MTSS2: variants seen among roughly 807,000 people sequenced by gnomAD.
MTSS2 encodes MTSS I-BAR domain containing 2.
In MTSS2, 27 loss-of-function variants were observed where a neutral mutation model predicts 67.1. That is an observed-to-expected ratio of 0.40 (90% CI 0.30 to 0.55). The LOEUF (loss-of-function observed/expected upper bound fraction) is 0.55. MTSS2 is among the 20% of genes least tolerant of loss of function. The pLI, the probability that MTSS2 is intolerant of heterozygous loss-of-function variation, is 0.43. For synonymous variants in MTSS2, 624 were observed against 468.6 expected (o/e 1.33, Z -4.28); for missense variants, 1,171 against 1,067.8 (o/e 1.10, Z -1.35).
chr16:70,665,072 C>A lies in MTSS2; in HGVS notation c.1153G>T (p.Glu385Ter). ...TGCAGAGTGGCGCCTGAGGGCTGCT[C>A]ATGGGAGCCGACCTTGGACCAGTCC... ...TSDWSKVGSH[E>*]QPSGATLQRR... Residue 385 changes from glutamate to a stop codon, truncating the protein, a stop_gained, in exon 13 of 15, where the codon GAG becomes TAG. Coordinates refer to ENST00000338779, the MANE Select transcript of MTSS2 (RefSeq NM_138383.3). LOFTEE classifies it high-confidence loss of function. The A allele has an allele frequency of 6.3e-7, 1 of 1,597,486 alleles. No individual in the cohort carries two copies. Among genetic ancestry groups the A allele is most frequent in the South Asian group, 1.1e-5 (1 of 90,690 alleles).
intron 1 of MTSS2, among the ~76,000 whole-genome samples, 200 bp downstream of exon 1, chr16:70,685,523 C>T (rs1375731709): frequency 1.3e-5 from 2 of 151,944 alleles, no homozygotes; most frequent in African/African-American, 4.8e-5. Flanking sequence ...CGCACGGACA[C>T]CCCGACACAC....
intron 11 of MTSS2, among the ~76,000 whole-genome samples, chr16:70,673,876 G>GAGAC (rs2053022027): frequency 2.0e-5 from 3 of 152,016 alleles, no homozygotes; most frequent in African/African-American, 7.2e-5. Context: ...TAAAAGAAAA[G>GAGAC]AGACAGAATA....
At chr16:70,667,400 A>C (rs77524147) in intron 11 of MTSS2, among the ~76,000 whole-genome samples, 6,737 of 152,166 alleles carry the variant, frequency 0.044, 483 homozygotes, top group African/African-American at 0.15. Context: ...CAAGATTATT[A>C]GAACAAAATC....
chr16:70,679,148 CG>C (rs892000522), intron 7 of MTSS2, among the ~76,000 whole-genome samples, 166 bp downstream of exon 7: 1 of 152,066 alleles, frequency 6.6e-6, no homozygotes, highest in Admixed American at 6.5e-5. Context: ...CCAGGGACCC[CG>C]GGGGCCCCAG....
At chr16:70,675,434 A>G (rs971892678) in intron 10 of MTSS2, among the ~76,000 whole-genome samples, 3 of 152,208 alleles carry the variant, frequency 2.0e-5, no homozygotes, top group African/African-American at 7.2e-5. Context: ...CAATGACAAC[A>G]AAACCCAAAA....
chr16:70,677,617 G>A (rs557268571), intron 9 of MTSS2, among the ~76,000 whole-genome samples, 175 bp downstream of exon 9: 4 of 152,270 alleles, frequency 2.6e-5, no homozygotes, highest in East Asian at 1.9e-4. Flanking sequence ...TACCCTCCCC[G>A]ACCTGGGCAG....
At position 70,664,057 on chromosome 16, in the gene MTSS2, T is replaced by C. The variant is rs374070157; in HGVS notation, c.1864A>G (p.Thr622Ala). The C allele has an allele frequency of 6.2e-7, 1 of 1,610,770 alleles. No individual in the cohort carries two copies. Among genetic ancestry groups the C allele is most frequent in the African/African-American group, 1.3e-5 (1 of 74,874 alleles). Residue 622 changes from threonine to alanine, a missense_variant, in exon 15 of 15, where the codon ACC becomes GCC. By Grantham distance (58) the Thr-to-Ala change is moderately conservative (BLOSUM62 0). Around this residue, in one of 2 missense-constraint regions of MTSS2, gnomAD observed 924 missense variants for 756.0 expected, o/e 1.22. Coordinates refer to ENST00000338779, the MANE Select transcript of MTSS2 (RefSeq NM_138383.3). ...SEECVFYTDE[T>A]ASPLAPDLAK... ...AGGTCCGGTGCCAGGGGTGAGGCGGTCTCGTCGGTATAGAAGACGCACTCC... is the reference window on the plus strand; with the variant it reads ...AGGTCCGGTGCCAGGGGTGAGGCGGCCTCGTCGGTATAGAAGACGCACTCC...
intron 2 of MTSS2, 46 bp downstream of exon 2, chr16:70,680,918 G>GCCCCCCCCC: frequency 9.1e-7 from 1 of 1,097,300 alleles, no homozygotes; most frequent in Non-Finnish European, 1.3e-6. Flanking sequence ...CGGGGGGGGG[G>GCCCCCCCCC]CCTCTGCCTG....
chr16:70,665,836 G>A, intron 11 of MTSS2: 1 of 292,516 alleles, frequency 3.4e-6, no homozygotes, highest in East Asian at 6.7e-5. Context: ...CCACCGAGGG[G>A]AAAAAGAGAT....
At chr16:70,667,166 G>A (rs1250354004) in intron 11 of MTSS2, among the ~76,000 whole-genome samples, 2 of 150,970 alleles carry the variant, frequency 1.3e-5, no homozygotes, top group African/African-American at 2.4e-5. Flanking sequence ...AGCTACACAG[G>A]AAGCTGAGGC....
chr16:70,678,709 C>T (rs965585819), intron 7 of MTSS2, among the ~76,000 whole-genome samples: 3 of 152,234 alleles, frequency 2.0e-5, no homozygotes, highest in Admixed American at 6.5e-5. Flanking sequence ...CACGGAGACT[C>T]GCTGGCCTCC....
At position 70,663,392 on chromosome 16, in the gene MTSS2, A is replaced by C; in HGVS notation, c.*285T>G. 9.0e-6 allele frequency: 4 copies of C among 446,808 alleles called. No homozygotes were observed. Among genetic ancestry groups the C allele is most frequent in the East Asian group, 4.2e-5 (1 of 23,736 alleles). The allele number at this position is 446,808 out of a possible 1,614,324, so 27.7% of individuals were successfully genotyped here. ...GGCCCTGGCTCTGGTGCTTATGGGT[A>C]GGGAAGAGGCAGGGCCCCAGAGGAG... On this transcript the variant is annotated 3_prime_UTR_variant, in exon 15 of 15. Coordinates refer to ENST00000338779, the MANE Select transcript of MTSS2 (RefSeq NM_138383.3).
At chr16:70,677,074 C>T in intron 9 of MTSS2, 96 bp from the exon 10 acceptor site, 6 of 930,786 alleles carry the variant, frequency 6.4e-6, no homozygotes, top group Non-Finnish European at 9.6e-6. Context: ...AACCACATCC[C>T]AGGAGAAGAC....
chr16:70,678,312 C>T lies in MTSS2; in HGVS notation c.564G>A (p.Arg188=). The T allele has an allele frequency of 6.2e-7, 1 of 1,612,660 alleles. No individual in the cohort carries two copies. Residue 188 remains arginine (R), a synonymous_variant, in exon 8 of 15, where the codon CGG becomes CGA. Coordinates refer to ENST00000338779, the MANE Select transcript of MTSS2 (RefSeq NM_138383.3). ...AGCGGCCCCGCTCCTCGATCAGCGC[C>T]CGGCGCACGGCCTGCTTCTCCGTCT... is the stretch of plus-strand genomic sequence containing the variant. ...LEETEKQAVR[R]ALIEERGRFC...
In MTSS2 at chr16:70,678,333, C is replaced by T. The variant is rs139062681; in HGVS notation, c.543G>A (p.Thr181=). Residue 181 remains threonine, a synonymous_variant, in exon 8 of 15, where the codon ACG becomes ACA. Transcript: ENST00000338779. ...GCGCCCGGCGCACGGCCTGCTTCTC[C>T]GTCTCCTCCAGCAGCAGGTACATGT... ...VNDMYLLLEE[T]EKQAVRRALI... 8.4e-4 allele frequency: 1,359 copies of T among 1,612,932 alleles called. 3 individuals are homozygous for T. Among genetic ancestry groups the T allele is most frequent in the Non-Finnish European group, 1.0e-3 (1,239 of 1,179,996 alleles).
At chr16:70,667,129 G>A (rs2052743450) in intron 11 of MTSS2, among the ~76,000 whole-genome samples, 1 of 152,012 alleles carries the variant, frequency 6.6e-6, no homozygotes, top group South Asian at 2.1e-4. Flanking sequence ...AAGTTAGCCA[G>A]GTGTGGTGGC....
At chr16:70,665,996 G>A (rs1354459839) in intron 11 of MTSS2, among the ~76,000 whole-genome samples, 4 of 152,210 alleles carry the variant, frequency 2.6e-5, no homozygotes, top group Admixed American at 2.0e-4. Context: ...TGGATGCAAT[G>A]AGGGCCGTCG....
rs1188090996 is a variant in MTSS2 at position 70,661,339 on chromosome 16, C to T, written c.*2338G>A. On this transcript the variant is annotated 3_prime_UTR_variant, in exon 15 of 15. Transcript: ENST00000338779. ...AGAGGAGAATTTTTCCAAAATCTGA[C>T]GGAAAGAAAAGAAACAAATGGTTCA... 27 of 422,186 alleles carry T rather than the reference C, an allele frequency of 6.4e-5. 1 individual carries two copies. The highest frequency in any genetic ancestry group is 2.2e-4 in the Admixed American group (8 of 35,728). 26.2% of individuals were successfully genotyped at this position (422,186 alleles called of 1,614,324 possible). A position where few individuals can be genotyped will look rare whatever the true frequency, so the allele number is the denominator to read the frequency against.
chr16:70,666,808 C>A (rs1227325874), intron 11 of MTSS2, among the ~76,000 whole-genome samples: 2 of 152,218 alleles, frequency 1.3e-5, no homozygotes, highest in East Asian at 1.9e-4. Flanking sequence ...AAGACACAAG[C>A]TGCTAGAAAG....
Sources: gnomAD v4.1 joint callset for allele counts (sites outside exome capture counted in the v4.1 genomes callset) on GRCh38, gnomAD v4.1.1 for gene constraint, gnomAD v4.1.1 regional missense constraint, MANE v1.5 for transcripts, NCBI Gene and HGNC (gene_info 2026-07-23, HGNC 2026-07-21) for gene names.